The following ZNF646 variants were observed in gnomAD, a reference collection of about 807,000 sequenced individuals.
ZNF646 encodes the protein zinc finger protein 646.
ZNF646 carries 49 observed loss-of-function variants against 115.4 expected under a neutral mutation model. The ratio of observed to expected loss-of-function variants is 0.42; its 90% CI spans 0.34 to 0.54. The LOEUF (loss-of-function observed/expected upper bound fraction) is 0.54. ZNF646 is among the 20% of genes least tolerant of loss of function. ZNF646 has a pLI of 0.04. For missense variants in ZNF646, 2,269 were observed against 2,457.9 expected (o/e 0.92, Z 1.62); for synonymous variants, 933 against 939.0 (o/e 0.99, Z 0.12).
At chr16:31,074,306 C>T (rs561740807), upstream of ZNF646, 7 of 152,526 alleles carry the variant, frequency 4.6e-5, no homozygotes, top group African/African-American at 1.4e-4. Context: ...AGACCTAGAA[C>T]TTAGCGCCGG....
chr16:31,077,847 G>A lies in ZNF646; in HGVS notation c.1523G>A (p.Arg508His), dbSNP rs1214395885. The A allele has an allele frequency of 3.7e-6, 6 of 1,613,774 alleles. No individual in the cohort carries two copies. The highest frequency in any genetic ancestry group is 5.1e-6 in the Non-Finnish European group (6 of 1,180,024). ...AAGTACCCCAATCTCATGGCCCTGC[G>A]CAACCACGTGCGGGTACATTGCAAG... ...PRKYPNLMAL[R>H]NHVRVHCKAA... The change falls in exon 2 of 3, where the codon CGC (arginine) becomes CAC (histidine). Residue 508 changes from arginine (R) to histidine (H), a missense_variant. Around this residue, in one of 5 missense-constraint regions of ZNF646, gnomAD observed 852 missense variants for 900.2 expected, o/e 0.95. Transcript: ENST00000300850.
rs750757570 is a variant in ZNF646 at position 31,084,109 on chromosome 16, G to C, written c.*1017G>C. ...GGCAGGGTTTGGCAGGAGGCCCCGG[G>C]GCCACATACTTATGTTGGCCAGGCA... On this transcript the variant is annotated 3_prime_UTR_variant, in exon 3 of 3. Coordinates refer to ENST00000300850, the MANE Select transcript of ZNF646 (RefSeq NM_014699.4). 12 of 1,564,784 alleles carry C rather than the reference G, an allele frequency of 7.7e-6. No homozygotes were observed. Among genetic ancestry groups the C allele is most frequent in the Middle Eastern group, 1.8e-4 (1 of 5,608 alleles).
Position 31,080,304 on chromosome 16 carries a change from G to GCTGCCCCAC in ZNF646, c.3989_3997dup (p.Thr1330_Pro1332dup). 1.2e-6 allele frequency: 2 copies of GCTGCCCCAC among 1,613,318 alleles called. No homozygotes were observed. Among genetic ancestry groups the GCTGCCCCAC allele is most frequent in the South Asian group, 1.1e-5 (1 of 91,088 alleles). On this transcript the variant is annotated inframe_insertion, in exon 2 of 3. Transcript: ENST00000300850. ...CGCAGCCACGAGACGGGCCAGTACA[G>GCTGCCCCAC]CTGCCCCACCTGCCCCAAGACCTAC...
Position 31,081,265 on chromosome 16 carries a change from A to C in ZNF646, c.4941A>C (p.Glu1647Asp). Reference sequence around the variant, plus strand: ...GGAAAGCCCAGGAGGCCCCATCAGAAACCCCCAGAGGCCCAGGAGAGAGTG... The same window carrying C: ...GGAAAGCCCAGGAGGCCCCATCAGACACCCCCAGAGGCCCAGGAGAGAGTG... ...GQGKAQEAPS[E>D]TPRGPGESVE... The change falls in exon 2 of 3, where the codon GAA (glutamate) becomes GAC (aspartate). Residue 1647 changes from glutamate to aspartate, a missense_variant. Glu to Asp is a conservative substitution (Grantham distance 45, BLOSUM62 2). This residue lies in a region of ZNF646 where 1,062 missense variants were observed against 1,172.8 expected (regional missense o/e 0.91). Coordinates refer to ENST00000300850, the MANE Select transcript of ZNF646 (RefSeq NM_014699.4). 6.2e-7 allele frequency: 1 copy of C among 1,605,086 alleles called. No homozygotes were observed. The highest frequency in any genetic ancestry group is 1.3e-5 in the African/African-American group (1 of 74,692).
Position 31,080,988 on chromosome 16 carries a change from A to C in ZNF646, c.4664A>C (p.Asp1555Ala). ...SLLNHNTNKT[D>A]RHYCLLCSKE... ...TTGAACCACAACACCAACAAGACAG[A>C]CCGACACTATTGCCTGCTCTGCTCC... is the stretch of plus-strand genomic sequence containing the variant. Residue 1555 changes from aspartate to alanine, a missense_variant, in exon 2 of 3, where the codon GAC becomes GCC. This residue lies in a region of ZNF646 where 1,062 missense variants were observed against 1,172.8 expected (regional missense o/e 0.91). Coordinates refer to ENST00000300850, the MANE Select transcript of ZNF646 (RefSeq NM_014699.4). 1 of 1,614,024 alleles carries C rather than the reference A, an allele frequency of 6.2e-7. No homozygotes were observed. The highest frequency in any genetic ancestry group is 8.5e-7 in the Non-Finnish European group (1 of 1,180,012).
chr16:31,078,066 G>A lies in ZNF646; in HGVS notation c.1742G>A (p.Gly581Glu). The A allele has an allele frequency of 6.2e-7, 1 of 1,614,210 alleles. No homozygotes were observed. The highest frequency in any genetic ancestry group is 8.5e-7 in the Non-Finnish European group (1 of 1,180,050). The change falls in exon 2 of 3, where the codon GGG becomes GAG. Residue 581 changes from glycine (G) to glutamate (E), a missense_variant. Gly to Glu is a moderately conservative substitution (Grantham distance 98). Transcript: ENST00000300850. The part of the protein sequence containing the change: ...KTAAHICSIC[G>E]LLFEDAESLE... ...GCAGCACATATCTGTAGCATCTGTG[G>A]GCTGCTCTTTGAAGACGCTGAGAGC...
chr16:31,073,948 CTG>C (rs2057041797), upstream of ZNF646: 1 of 152,264 alleles, frequency 6.6e-6, no homozygotes, highest in Admixed American at 6.5e-5. Flanking sequence ...TTGTGTTAGT[CTG>C]GGGCCAGGTC....
In ZNF646 at chr16:31,076,489, G is replaced by A; in HGVS notation, c.165G>A (p.Arg55=). 2 of 1,613,952 alleles carry A rather than the reference G, an allele frequency of 1.2e-6. No homozygotes were observed. Among genetic ancestry groups the A allele is most frequent in the Non-Finnish European group, 1.7e-6 (2 of 1,180,000 alleles). ...PRPYRCQQCG[R]GYRHPGSLVN... The stretch of plus-strand genomic sequence containing the variant: ...CCTACCGTTGTCAGCAGTGTGGGCG[G>A]GGCTACCGTCACCCCGGGAGCCTGG... Residue 55 remains arginine (R), a synonymous_variant, in exon 2 of 3, where the codon CGG becomes CGA. Transcript: ENST00000300850.
rs937925442 is a variant in ZNF646, at chr16:31,077,230, C to A, written c.906C>A (p.Val302=). 6.8e-6 allele frequency: 11 copies of A among 1,614,136 alleles called. No homozygotes were observed. Among genetic ancestry groups the A allele is most frequent in the Non-Finnish European group, 9.3e-6 (11 of 1,180,004 alleles). Reference sequence around the variant, plus strand: ...ACCACTGTCCCCACTGCCCCCGTGTCTTCCGGCTCCCCCGGGAGCTGCTGG... The same window carrying A: ...ACCACTGTCCCCACTGCCCCCGTGTATTCCGGCTCCCCCGGGAGCTGCTGG... The part of the protein sequence containing the change: ...RPYHCPHCPR[V]FRLPRELLEH... The change falls in exon 2 of 3, where the codon GTC becomes GTA. Residue 302 remains valine (V), a synonymous_variant. Coordinates refer to ENST00000300850, the MANE Select transcript of ZNF646 (RefSeq NM_014699.4).
At chr16:31,073,475 G>A (rs1054964766), upstream of ZNF646, 1 of 152,140 alleles carries the variant, frequency 6.6e-6, no homozygotes, top group Admixed American at 6.5e-5. Context: ...GACAGCCGGC[G>A]GGTTCTAGGA....
rs2057095744 is a variant in ZNF646 at position 31,077,703 on chromosome 16, T to C, written c.1379T>C (p.Leu460Pro). ...HKEEEDPTTT[L>P]DHRPYKCSEC... is the part of the protein sequence containing the mutation. ...GAGGAAGAGGACCCCACCACCACCC[T>C]GGACCATCGGCCCTATAAGTGCAGT... Residue 460 changes from leucine (L) to proline (P), a missense_variant, in exon 2 of 3, where the codon CTG becomes CCG. Transcript: ENST00000300850. 1.2e-6 allele frequency: 2 copies of C among 1,614,030 alleles called. No individual in the cohort carries two copies. The highest frequency in any genetic ancestry group is 2.2e-5 in the South Asian group (2 of 91,084).
chr16:31,076,336 A>G lies in ZNF646; in HGVS notation c.12A>G (p.Thr4=). The change falls in exon 2 of 3, where the codon ACA becomes ACG. Residue 4 remains threonine (T), a synonymous_variant. Coordinates refer to ENST00000300850, the MANE Select transcript of ZNF646 (RefSeq NM_014699.4). ...TGCTACGTTGCCCCATGGAGGACAC[A>G]CCCCCCTCACTCAGCTGCTCCGACT... MED[T]PPSLSCSDCQ... is the part of the protein sequence containing the mutation. 1.9e-6 allele frequency: 3 copies of G among 1,609,030 alleles called. No homozygotes were observed. Among genetic ancestry groups the G allele is most frequent in the Non-Finnish European group, 2.5e-6 (3 of 1,177,004 alleles).
Position 31,081,586 on chromosome 16 carries a change from T to C in ZNF646, c.5262T>C (p.His1754=), listed in dbSNP as rs772808803. The C allele has an allele frequency of 3.7e-6, 6 of 1,612,828 alleles. No homozygotes were observed. The highest frequency in any genetic ancestry group is 2.2e-5 in the East Asian group (1 of 44,862). Residue 1754 remains histidine, a synonymous_variant, in exon 2 of 3, where the codon CAT becomes CAC. Transcript: ENST00000300850. ...GGCTGGAGGGCCACGGGCGGGTCCA[T>C]GCACCCCGGGAGGGGCCTTTCACCT... ...AARLEGHGRV[H]APREGPFTCP...
Position 31,080,309 on chromosome 16 carries a change from C to G in ZNF646, c.3985C>G (p.Pro1329Ala). 1 of 1,613,434 alleles carries G rather than the reference C, an allele frequency of 6.2e-7. No individual in the cohort carries two copies. The highest frequency in any genetic ancestry group is 1.1e-5 in the South Asian group (1 of 91,088). ...CCACGAGACGGGCCAGTACAGCTGC[C>G]CCACCTGCCCCAAGACCTACTCCAA... ...RSHETGQYSC[P>A]TCPKTYSNRM... is the part of the protein sequence containing the mutation. Residue 1329 changes from proline (P) to alanine (A), a missense_variant, in exon 2 of 3, where the codon CCC becomes GCC. Transcript: ENST00000300850.
rs1397966186 is a variant in ZNF646, at chr16:31,078,290, A to G, written c.1966A>G (p.Met656Val). The change falls in exon 2 of 3, where the codon ATG (methionine) becomes GTG (valine). Residue 656 changes from methionine (M) to valine (V), a missense_variant. Transcript: ENST00000300850. ...CGACAKHFHT[M>V]AAMKNHLRRH... The stretch of plus-strand genomic sequence containing the variant: ...GGCCTGTGCCAAGCACTTCCACACC[A>G]TGGCTGCCATGAAGAACCACTTGCG... The G allele has an allele frequency of 3.7e-6, 6 of 1,613,500 alleles. No individual in the cohort carries two copies. The highest frequency in any genetic ancestry group is 1.6e-4 in the Middle Eastern group (1 of 6,084).
rs1198292063 is a variant in ZNF646, at chr16:31,083,979, C to G, written c.*887C>G. The G allele has an allele frequency of 2.0e-6, 3 of 1,500,022 alleles. No homozygotes were observed. The highest frequency in any genetic ancestry group is 1.8e-6 in the Non-Finnish European group (2 of 1,119,882). The allele number at this position is 1,500,022 out of a possible 1,614,324, so 92.9% of individuals were successfully genotyped here. A position where few individuals can be genotyped will look rare whatever the true frequency, so the allele number is the denominator to read the frequency against. ...CTCCAAGTCACACGATGACAAAGAA[C>G]CAGAATCTGAATCAAATGGGTCTGC... On this transcript the variant is annotated 3_prime_UTR_variant, in exon 3 of 3. Coordinates refer to ENST00000300850, the MANE Select transcript of ZNF646 (RefSeq NM_014699.4).
chr16:31,079,348 G>C lies in ZNF646; in HGVS notation c.3024G>C (p.Leu1008Phe), dbSNP rs2057123599. The C allele has an allele frequency of 6.2e-7, 1 of 1,613,920 alleles. No homozygotes were observed. The highest frequency in any genetic ancestry group is 1.7e-5 in the Admixed American group (1 of 60,006). ...TGGAGATGGTCGTGGACAGTGTCTT[G>C]GAGGACATAGTGAATTCTGTCTCTG... ...DAMEMVVDSV[L>F]EDIVNSVSGE... is the part of the protein sequence containing the mutation. The change falls in exon 2 of 3, where the codon TTG (leucine) becomes TTC (phenylalanine). Residue 1008 changes from leucine (L) to phenylalanine (F), a missense_variant. Leu to Phe is a conservative substitution (Grantham distance 22). This residue lies in a region of ZNF646 where 1,062 missense variants were observed against 1,172.8 expected (regional missense o/e 0.91). Coordinates refer to ENST00000300850, the MANE Select transcript of ZNF646 (RefSeq NM_014699.4). The surrounding 1 kb of genome is among the most constrained non-coding windows in gnomAD (Gnocchi z 5.5).
chr16:31,080,738 G>A lies in ZNF646; in HGVS notation c.4414G>A (p.Gly1472Arg). The change falls in exon 2 of 3, where the codon GGG becomes AGG. Residue 1472 changes from glycine to arginine, a missense_variant. By Grantham distance (125) the Gly-to-Arg change is moderately radical (BLOSUM62 -2). This residue lies in a region of ZNF646 where 1,062 missense variants were observed against 1,172.8 expected (regional missense o/e 0.91). Transcript: ENST00000300850. ...TGGGTGGCCGGTAGGTGGGGGACTG[G>A]GGAATCATAGTGGAGGCTGGGTTCC... ...AGGWPVGGGL[G>R]NHSGGWVPQF... The A allele has an allele frequency of 1.9e-6, 3 of 1,613,666 alleles. No homozygotes were observed. Among genetic ancestry groups the A allele is most frequent in the Non-Finnish European group, 2.5e-6 (3 of 1,179,970 alleles).
Position 31,077,544 on chromosome 16 carries a change from C to G in ZNF646, c.1220C>G (p.Ser407Cys). ...QTGVYPCSLC[S>C]KQLFNAAALK... Reference sequence around the variant, plus strand: ...GGTGTCTACCCCTGCTCACTCTGTTCTAAGCAGCTGTTCAATGCGGCTGCC... The same window carrying G: ...GGTGTCTACCCCTGCTCACTCTGTTGTAAGCAGCTGTTCAATGCGGCTGCC... The change falls in exon 2 of 3, where the codon TCT becomes TGT. Residue 407 changes from serine to cysteine, a missense_variant. By Grantham distance (112) the Ser-to-Cys change is moderately radical. Around this residue, in one of 5 missense-constraint regions of ZNF646, gnomAD observed 852 missense variants for 900.2 expected, o/e 0.95. Transcript: ENST00000300850. The G allele has an allele frequency of 6.2e-7, 1 of 1,613,480 alleles. No homozygotes were observed. The highest frequency in any genetic ancestry group is 8.5e-7 in the Non-Finnish European group (1 of 1,179,774).
Sources: allele counts gnomAD v4.1 joint callset, GRCh38; gene constraint gnomAD v4.1.1; regional missense constraint gnomAD v4.1.1; non-coding constraint Gnocchi (gnomAD v3.1); transcripts MANE v1.5; gene names NCBI Gene and HGNC (gene_info 2026-07-23, HGNC 2026-07-21).